The following NEB variants were observed in gnomAD, a reference collection of about 807,000 sequenced individuals.
NEB encodes nebulin, also known as nemaline myopathy type 2.
A neutral mutation model predicts 952.2 loss-of-function variants in NEB; 512 were observed. That is an observed-to-expected ratio of 0.54 (90% CI 0.50 to 0.58). The LOEUF (loss-of-function observed/expected upper bound fraction) is 0.58, where lower values mean the gene tolerates loss of function less well. NEB is among the 20% of genes least tolerant of loss of function. The pLI is 0.00. For missense variants in NEB, 8,428 were observed against 9,231.1 expected (o/e 0.91, Z 3.56); for synonymous variants, 2,900 against 3,149.8 (o/e 0.92, Z 2.66).
At position 151,662,223 on chromosome 2, in the gene NEB, C is replaced by T. The variant is rs767185795; in HGVS notation, c.5882G>A (p.Arg1961His). The stretch of plus-strand genomic sequence containing the variant: ...ATACTTCAAAGTGTCTGGGTGCTGG[C>T]GGTACTTCTTTTCACTAATAATCTC... ...AMEIISEKKY[R>H]QHPDTLKYST... The change falls in exon 46 of 182, where the codon CGC (arginine) becomes CAC (histidine). Residue 1961 changes from arginine (R) to histidine (H), a missense_variant. By Grantham distance (29) the Arg-to-His change is conservative. This residue lies in a region of NEB where 2,851 missense variants were observed against 2,791.5 expected (regional missense o/e 1.02). Transcript: ENST00000397345. 27 of 1,613,466 alleles carry T rather than the reference C, an allele frequency of 1.7e-5. No homozygotes were observed. The highest frequency in any genetic ancestry group is 2.2e-5 in the East Asian group (1 of 44,878).
At chr2:151,643,670 A>G (rs2098916904) in intron 57 of NEB, 148 bp downstream of exon 57, 2 of 1,316,846 alleles carry the variant, frequency 1.5e-6, no homozygotes, top group Non-Finnish European at 1.0e-6. Context: ...TTGTGGAATA[A>G]TGGTGCCTCC....
chr2:151,654,036 T>C lies in NEB; in HGVS notation c.6871A>G (p.Ile2291Val), dbSNP rs2099059753. 13 of 1,612,764 alleles carry C rather than the reference T, an allele frequency of 8.1e-6. No homozygotes were observed. The highest frequency in any genetic ancestry group is 4.5e-5 in the East Asian group (2 of 44,824). The part of the protein sequence containing the change: ...KKGYDLPVDA[I>V]SVQLAKASRD... ...GAAGCTTTAGCTAGCTGTACAGAAA[T>C]TGCATCAACTGGGAGATCATAGCCT... Residue 2291 changes from isoleucine to valine, a missense_variant, in exon 52 of 182, where the codon ATT (isoleucine) becomes GTT (valine). By Grantham distance (29) the Ile-to-Val change is conservative. Around this residue, in one of 11 missense-constraint regions of NEB, gnomAD observed 2,851 missense variants for 2,791.5 expected, o/e 1.02. Coordinates refer to ENST00000397345, the MANE Select transcript of NEB (RefSeq NM_001164508.2).
rs536768399 is a variant in NEB, at chr2:151,706,695, A to C, written c.1152+186T>G. ...CATTGAATTAACCCCACAGAACCAC[A>C]AACAGTAAGGCACATTGTACTCAGA... On this transcript the variant is annotated intron_variant, in intron 13 of 181. Coordinates refer to ENST00000397345, the MANE Select transcript of NEB (RefSeq NM_001164508.2). Among the ~76,000 whole-genome samples the C allele has an allele frequency of 1.6e-3, 251 of 152,318 alleles. 3 individuals carry two copies. Among genetic ancestry groups the C allele is most frequent in the Middle Eastern group, 6.8e-3 (2 of 294 alleles).
intron 148 of NEB, 58 bp from the exon 149 acceptor site, chr2:151,526,320 T>C: frequency 8.7e-7 from 1 of 1,145,482 alleles, no homozygotes; most frequent in South Asian, 1.3e-5. Flanking sequence ...TACATATTTT[T>C]ATTACACCCT....
chr2:151,645,330 T>C (rs764042457), intron 55 of NEB, among the ~76,000 whole-genome samples: 55 of 152,336 alleles, frequency 3.6e-4, no homozygotes, highest in Middle Eastern at 3.4e-3. Context: ...CATTGTGAAA[T>C]AGTCTGTCTC....
intron 13 of NEB, among the ~76,000 whole-genome samples, chr2:151,703,171 A>G (rs2099683665): frequency 7.2e-6 from 1 of 139,540 alleles, no homozygotes; most frequent in Non-Finnish European, 1.6e-5. Flanking sequence ...TTTCTTTAAG[A>G]ATGTTGAATA....
chr2:151,677,065 T>C (rs1280357181), intron 34 of NEB, among the ~76,000 whole-genome samples: 1 of 152,182 alleles, frequency 6.6e-6, no homozygotes, highest in Non-Finnish European at 1.5e-5. Context: ...CTCAATCAGA[T>C]GTAAGTTAAA....
chr2:151,631,364 G>C lies in NEB; in HGVS notation c.9415-18C>G. ...TAAATATTCTGAGCAGAGGAAAAAAGTCAAAAACTCTTCATCAAGACCACA... is the reference window on the plus strand; with the variant it reads ...TAAATATTCTGAGCAGAGGAAAAAACTCAAAAACTCTTCATCAAGACCACA... On this transcript the variant is annotated intron_variant, in intron 65 of 181. Transcript: ENST00000397345. The C allele has an allele frequency of 6.2e-7, 1 of 1,600,004 alleles. No individual in the cohort carries two copies. The highest frequency in any genetic ancestry group is 8.5e-7 in the Non-Finnish European group (1 of 1,170,160).
At chr2:151,543,785 C>T (rs571816267) in intron 135 of NEB, among the ~76,000 whole-genome samples, 38 of 152,314 alleles carry the variant, frequency 2.5e-4, no homozygotes, top group African/African-American at 8.9e-4. Context: ...CTGTGCTTGG[C>T]CTCTATGCCA....
chr2:151,653,986 A>G lies in NEB; in HGVS notation c.6915+6T>C. On this transcript the variant is annotated splice_donor_region_variant and intron_variant, in intron 52 of 181. Coordinates refer to ENST00000397345, the MANE Select transcript of NEB (RefSeq NM_001164508.2). ...ATAGCCTTATAGAACTCAAACTAGT[A>G]CTCACATCACTAGCAATGTCTCTTG... The G allele has an allele frequency of 6.3e-7, 1 of 1,590,382 alleles. No individual in the cohort carries two copies. The highest frequency in any genetic ancestry group is 8.6e-7 in the Non-Finnish European group (1 of 1,159,174).
rs765225625 is a variant in NEB, at chr2:151,692,150, A to G, written c.2015T>C (p.Leu672Ser). Residue 672 changes from leucine (L) to serine (S), a missense_variant, in exon 22 of 182, where the codon TTA becomes TCA. Physicochemically the swap from Leu to Ser is moderately radical, Grantham distance 145 (BLOSUM62 -2). Around this residue, in one of 11 missense-constraint regions of NEB, gnomAD observed 2,851 missense variants for 2,791.5 expected, o/e 1.02. Transcript: ENST00000397345. ...ATGTCCCAAAACATCCTTTACATAT[A>G]AGTCTTTATATCTAGCCTGAAAAAT... ...KNFSEARYKD[L>S]YVKDVLGHYV... is the part of the protein sequence containing the mutation. 3.7e-6 allele frequency: 6 copies of G among 1,613,482 alleles called. No individual in the cohort carries two copies. The Admixed American group carries it at 6.7e-5, about 18-fold the overall frequency.
chr2:151,671,073 C>G lies in NEB; in HGVS notation c.4456G>C (p.Asp1486His), dbSNP rs761092709. The G allele has an allele frequency of 2.5e-6, 4 of 1,613,968 alleles. No individual in the cohort carries two copies. The South Asian group carries it at 4.4e-5, about 18-fold the overall frequency. The stretch of plus-strand genomic sequence containing the variant: ...TGAGCCAACACCATGCCCATGGAAT[C>G]AGGCACACTTGTGAACTTGACGGTA... The part of the protein sequence containing the change: ...PDTVKFTSVP[D>H]SMGMVLAQHN... Residue 1486 changes from aspartate to histidine, a missense_variant, in exon 38 of 182, where the codon GAT becomes CAT. Asp to His is a moderately conservative substitution (Grantham distance 81). This residue lies in a region of NEB where 2,851 missense variants were observed against 2,791.5 expected (regional missense o/e 1.02). Transcript: ENST00000397345.
In NEB at chr2:151,644,395, T is replaced by A. The variant is rs535064978; in HGVS notation, c.7644+73A>T. ...GTTACCCCTTAGATTTTGTTCAATT[T>A]AAAATTAAATTGAGACTGCTTTGAA... On this transcript the variant is annotated intron_variant, in intron 56 of 181. Transcript: ENST00000397345. 22 of 1,409,508 alleles carry A rather than the reference T, an allele frequency of 1.6e-5. No individual in the cohort carries two copies. The South Asian group carries it at 1.8e-4, about 12-fold the overall frequency. 87.3% of individuals were successfully genotyped at this position (1,409,508 alleles called of 1,614,324 possible). A position where few individuals can be genotyped will look rare whatever the true frequency, so the allele number is the denominator to read the frequency against.
intron 148 of NEB, 56 bp downstream of exon 148, chr2:151,526,862 C>T (rs1180712518): frequency 1.9e-5 from 23 of 1,237,948 alleles, no homozygotes; most frequent in Non-Finnish European, 2.3e-5. Context: ...GGGGACTGTA[C>T]CATGGAAGAT....
intron 95 of NEB, 21 bp from the exon 96 acceptor site, chr2:151,591,476 GCCA>G: frequency 6.5e-7 from 1 of 1,535,578 alleles, no homozygotes; most frequent in Non-Finnish European, 8.8e-7. Flanking sequence ...AGAGTGCAAT[GCCA>G]CAGTCAGTCT....
chr2:151,541,515 T>C lies in NEB; in HGVS notation c.20614A>G (p.Ile6872Val), dbSNP rs774192456. 1.9e-6 allele frequency: 3 copies of C among 1,613,618 alleles called. No homozygotes were observed. Among genetic ancestry groups the C allele is most frequent in the South Asian group, 2.2e-5 (2 of 91,042 alleles). ...YRAAGKKQKSIFTSVPDTPDL... is the reference protein window; with the variant it reads ...YRAAGKKQKSVFTSVPDTPDL... ...GGAGTATCAGGAACTGAAGTAAAGA[T>C]TGACTTCTGCTTCTTGCCTGCAGCT... Residue 6872 changes from isoleucine to valine, a missense_variant, in exon 136 of 182, where the codon ATC becomes GTC. Physicochemically the swap from Ile to Val is conservative, Grantham distance 29. This residue lies in a region of NEB where 3,374 missense variants were observed against 3,651.5 expected (regional missense o/e 0.92). Transcript: ENST00000397345.
chr2:151,711,571 T>C (rs371137550), intron 10 of NEB, among the ~76,000 whole-genome samples: 12 of 152,328 alleles, frequency 7.9e-5, no homozygotes, highest in Middle Eastern at 6.8e-3. Flanking sequence ...TGTAAATAAA[T>C]AGCCAACTGG....
intron 34 of NEB, among the ~76,000 whole-genome samples, chr2:151,676,173 A>T (rs2099357776): frequency 6.6e-6 from 1 of 152,230 alleles, no homozygotes; most frequent in South Asian, 2.1e-4. Flanking sequence ...AAAATCTGAC[A>T]TGGCTAATAG....
chr2:151,554,873 G>A (rs754741351), intron 125 of NEB, 58 bp downstream of exon 125: 15 of 1,200,400 alleles, frequency 1.2e-5, no homozygotes, highest in Middle Eastern at 1.9e-4. Context: ...ATCACATAAC[G>A]AGCGGCACAT....
Sources: allele counts gnomAD v4.1 joint callset (sites outside exome capture counted in the v4.1 genomes callset), GRCh38; gene constraint gnomAD v4.1.1; regional missense constraint gnomAD v4.1.1; transcripts MANE v1.5; gene names NCBI Gene and HGNC (gene_info 2026-07-23, HGNC 2026-07-21).